The following CSMD1 variants were observed in gnomAD, a reference collection of about 807,000 sequenced individuals.
CSMD1 encodes CUB and Sushi multiple domains 1, also known as CUB and sushi domain-containing protein 1.
CSMD1 carries 213 observed loss-of-function variants against 417.5 expected under a neutral mutation model. That is an observed-to-expected ratio of 0.51 (90% CI 0.46 to 0.57). The LOEUF (loss-of-function observed/expected upper bound fraction) is 0.57, where lower values mean the gene tolerates loss of function less well. CSMD1 is among the 20% of genes least tolerant of loss of function. CSMD1 has a pLI of 0.00. For missense variants in CSMD1, 6,923 were observed against 4,529.7 expected, an observed-to-expected ratio of 1.53 and a Z score of -15.17; for synonymous variants, 2,862 against 1,736.8, an observed-to-expected ratio of 1.65 and a Z score of -16.11.
At chr8:3,438,807 C>A (rs188126904) in intron 12 of CSMD1, among the ~76,000 whole-genome samples, 1 of 151,888 alleles carries the variant, frequency 6.6e-6, no homozygotes, top group Admixed American at 6.6e-5. Flanking sequence ...ATGATAATTG[C>A]ATGTTTAGCT....
intron 12 of CSMD1, among the ~76,000 whole-genome samples, chr8:3,459,511 C>T (rs1038865373): frequency 6.6e-6 from 1 of 152,056 alleles, no homozygotes; most frequent in African/African-American, 2.4e-5. Flanking sequence ...CAGTCGGAGA[C>T]ACGGATGAGA....
At chr8:4,436,178 A>G (rs1404337789) in intron 2 of CSMD1, among the ~76,000 whole-genome samples, 4 of 152,194 alleles carry the variant, frequency 2.6e-5, no homozygotes, top group Non-Finnish European at 4.4e-5. Context: ...TCAGTGTCTC[A>G]TCTTACAGAC....
chr8:3,699,987 C>T (rs1270615988), intron 7 of CSMD1, among the ~76,000 whole-genome samples: 1 of 152,082 alleles, frequency 6.6e-6, no homozygotes, highest in Non-Finnish European at 1.5e-5. Context: ...TTCAATTCAC[C>T]ACCTGAGCAT....
chr8:3,845,283 T>G (rs1803423021), intron 5 of CSMD1, among the ~76,000 whole-genome samples: 2 of 152,074 alleles, frequency 1.3e-5, no homozygotes, highest in Admixed American at 1.3e-4. Context: ...TATCGTAGAG[T>G]GAACTCACAG....
chr8:4,229,941 C>G (rs1051876145), intron 3 of CSMD1, among the ~76,000 whole-genome samples: 4 of 152,138 alleles, frequency 2.6e-5, no homozygotes, highest in Admixed American at 6.5e-5. Context: ...ATCTTACATT[C>G]TAATATCAAG....
chr8:4,706,911 T>C (rs2116844746), intron 1 of CSMD1, among the ~76,000 whole-genome samples: 1 of 152,350 alleles, frequency 6.6e-6, no homozygotes, highest in South Asian at 2.1e-4. Flanking sequence ...GAAAAGCTTC[T>C]GATTCATGAA....
rs759268228 is a variant in CSMD1 at position 4,530,314 on chromosome 8, C to CTTTTTTTTTTT, written c.302+107017_302+107027dup. On this transcript the variant is annotated intron_variant, in intron 2 of 69. Coordinates refer to ENST00000635120, the MANE Select transcript of CSMD1 (RefSeq NM_033225.6). ...TTCACAGTTTATCGTACAGGTAGTG[C>CTTTTTTTTTTT]TTTTTTTTTTTTTTTTTTTTTTTTT... Among the ~76,000 whole-genome samples the CTTTTTTTTTTT allele has an allele frequency of 3.7e-3, 172 of 46,680 alleles. 23 individuals are homozygous for CTTTTTTTTTTT. Among genetic ancestry groups the CTTTTTTTTTTT allele is most frequent in the Non-Finnish European group, 4.4e-3 (120 of 27,188 alleles). 30.6% of individuals were successfully genotyped at this position (46,680 alleles called of 152,430 possible).
intron 3 of CSMD1, among the ~76,000 whole-genome samples, chr8:4,050,370 G>C (rs566448219): frequency 2.0e-5 from 3 of 152,104 alleles, no homozygotes; most frequent in East Asian, 1.9e-4. Flanking sequence ...CAAGAGCAGA[G>C]AATCTACAAA....
intron 52 of CSMD1, among the ~76,000 whole-genome samples, chr8:3,011,219 T>C (rs562891756): frequency 6.6e-6 from 1 of 152,298 alleles, no homozygotes; most frequent in African/African-American, 2.4e-5. Context: ...TTGCTAGTTA[T>C]TCCCCAGCCA....
intron 3 of CSMD1, among the ~76,000 whole-genome samples, chr8:4,393,119 G>T (rs1266973164): frequency 6.6e-6 from 1 of 152,056 alleles, no homozygotes; most frequent in Non-Finnish European, 1.5e-5. Context: ...GGGATTACAG[G>T]CGTGTGCCAC....
intron 68 of CSMD1, among the ~76,000 whole-genome samples, chr8:2,948,750 A>T (rs1802422303): frequency 6.6e-6 from 1 of 152,128 alleles, no homozygotes; most frequent in Non-Finnish European, 1.5e-5. Flanking sequence ...CTAGACAGAA[A>T]ATTGTTGGAT....
At chr8:3,750,983 C>A (rs1221757429) in intron 6 of CSMD1, among the ~76,000 whole-genome samples, 1 of 152,124 alleles carries the variant, frequency 6.6e-6, no homozygotes, top group Non-Finnish European at 1.5e-5. Flanking sequence ...TGGGTCTTGT[C>A]ATCTTCCTCT....
rs149522388 is a variant in CSMD1 at position 3,010,478 on chromosome 8, C to T, written c.8029+7999G>A. On this transcript the variant is annotated intron_variant, in intron 52 of 69. Transcript: ENST00000635120. ...GTCCAGGCTCTTATGACCAGGCGGCCGTCGAGAGTTCGACCCCAGCACCTG... is the reference window on the plus strand; with the variant it reads ...GTCCAGGCTCTTATGACCAGGCGGCTGTCGAGAGTTCGACCCCAGCACCTG... Among the ~76,000 whole-genome samples, 950 of 152,228 alleles carry T rather than the reference C, an allele frequency of 6.2e-3. 10 individuals are homozygous for T. Among genetic ancestry groups the T allele is most frequent in the African/African-American group, 0.022 (913 of 41,536 alleles).
At chr8:3,806,114 G>A (rs958785323) in intron 5 of CSMD1, among the ~76,000 whole-genome samples, 9 of 152,126 alleles carry the variant, frequency 5.9e-5, no homozygotes, top group Non-Finnish European at 1.3e-4. Context: ...TTTAGTTGTA[G>A]TATTTATGAA....
chr8:3,630,179 C>G (rs991007794), intron 7 of CSMD1, among the ~76,000 whole-genome samples: 6 of 152,344 alleles, frequency 3.9e-5, no homozygotes, highest in Admixed American at 2.0e-4. Flanking sequence ...CTGGTACAGG[C>G]AGGCTCTCCG....
In CSMD1 at chr8:3,463,620, C is replaced by T. The variant is rs141707679; in HGVS notation, c.1561+5092G>A. Among the ~76,000 whole-genome samples the T allele has an allele frequency of 7.2e-3, 1,091 of 152,348 alleles. 14 individuals are homozygous for T. The highest frequency in any genetic ancestry group is 0.025 in the African/African-American group (1,033 of 41,564). On this transcript the variant is annotated intron_variant, in intron 12 of 69. Transcript: ENST00000635120. ...CTCACTTTCTACAAGGACCAGTGAG[C>T]TGTCCTCGGTTCAGGGACAGCACCC...
intron 25 of CSMD1, among the ~76,000 whole-genome samples, chr8:3,297,597 T>G (rs1372397694): frequency 6.6e-6 from 1 of 152,198 alleles, no homozygotes; most frequent in Non-Finnish European, 1.5e-5. Flanking sequence ...CAATTGAACT[T>G]AACTGTGGAC....
At position 3,058,124 on chromosome 8, in the gene CSMD1, G is replaced by A. The variant is rs565227359; in HGVS notation, c.7475-5477C>T. 3.9e-5 allele frequency among the ~76,000 whole-genome samples: 6 copies of A among 152,196 alleles called. No individual in the cohort carries two copies. The South Asian group carries it at 6.2e-4, about 16-fold the overall frequency. On this transcript the variant is annotated intron_variant, in intron 49 of 69. Transcript: ENST00000635120. ...GAGCAGAAAATTGGCTTCAACCAGC[G>A]AGTCCTATTCTCATCTGATTGGTAG...
intron 5 of CSMD1, among the ~76,000 whole-genome samples, chr8:3,959,884 T>C (rs1227553364): frequency 2.0e-5 from 3 of 152,216 alleles, no homozygotes; most frequent in Non-Finnish European, 4.4e-5. Flanking sequence ...GTGATCTGCC[T>C]TCATTCCTTT....
Sources: allele counts gnomAD v4.1 joint callset (sites outside exome capture counted in the v4.1 genomes callset), GRCh38; gene constraint gnomAD v4.1.1; transcripts MANE v1.5; gene names NCBI Gene and HGNC (gene_info 2026-07-23, HGNC 2026-07-21).